RPTOR: variants seen among roughly 807,000 people sequenced by gnomAD.
RPTOR encodes the protein regulatory-associated protein of mTOR.
RPTOR carries 21 observed loss-of-function variants against 169.9 expected under a neutral mutation model. The observed-to-expected ratio is 0.12, with a 90% CI of 0.09 to 0.18. The LOEUF (loss-of-function observed/expected upper bound fraction) is 0.18. Among genes scored for constraint, RPTOR ranks in the 10% least tolerant of loss-of-function variants. The probability of loss-of-function intolerance (pLI) is 1.00; values close to 1 mark genes in which losing one functional copy is unlikely to be tolerated. For missense variants in RPTOR, 1,133 were observed against 1,855.9 expected (o/e 0.61, Z 7.16); for synonymous variants, 732 against 753.2 (o/e 0.97, Z 0.46).
In RPTOR at chr17:80,592,370, C is replaced by T. The variant is rs143053961; in HGVS notation, c.163-33321C>T. On this transcript the variant is annotated intron_variant, in intron 1 of 33. Transcript: ENST00000306801. ...TATTTAAGAGACTAGAGTAAGGGAT[C>T]GTAGGGGTAGGAGTGGAAGGGAGAA... Among the ~76,000 whole-genome samples, 3 of 152,172 alleles carry T rather than the reference C, an allele frequency of 2.0e-5. No homozygotes were observed. The East Asian group carries it at 5.8e-4, about 29-fold the overall frequency.
chr17:80,918,468 C>CGGGGGT (rs2068703273), intron 21 of RPTOR, among the ~76,000 whole-genome samples: 42 of 100,828 alleles, frequency 4.2e-4, no homozygotes, highest in African/African-American at 5.6e-4. Context: ...AGCACCCTCG[C>CGGGGGT]CGGAGTCATA....
intron 4 of RPTOR, among the ~76,000 whole-genome samples, chr17:80,719,940 A>G (rs1387764485): frequency 1.3e-5 from 2 of 152,018 alleles, no homozygotes; most frequent in African/African-American, 4.8e-5. Context: ...TGTTTTTTTA[A>G]TTGGGATTGT....
intron 28 of RPTOR, among the ~76,000 whole-genome samples, chr17:80,950,355 G>A (rs561015574): frequency 1.6e-4 from 25 of 152,206 alleles, no homozygotes; most frequent in African/African-American, 7.2e-5. Context: ...TCAGCCTTCC[G>A]TGTGGGGCCT....
intron 24 of RPTOR, among the ~76,000 whole-genome samples, chr17:80,938,836 A>G (rs1598412113): frequency 1.3e-5 from 2 of 152,248 alleles, no homozygotes; most frequent in Non-Finnish European, 1.5e-5. Flanking sequence ...TTTTGTAATC[A>G]GAGCTGACAC....
intron 1 of RPTOR, among the ~76,000 whole-genome samples, chr17:80,591,598 C>T (rs979254305): frequency 6.6e-6 from 1 of 151,890 alleles, no homozygotes; most frequent in South Asian, 2.1e-4. Flanking sequence ...AGGGTGGTCT[C>T]GAACTCCTGA....
chr17:80,816,253 G>T (rs2067322201), intron 7 of RPTOR, among the ~76,000 whole-genome samples: 1 of 152,248 alleles, frequency 6.6e-6, no homozygotes, highest in South Asian at 2.1e-4. Context: ...ATGCTGTCTG[G>T]ACGCCTGGCA....
At chr17:80,638,411 CTTTTTTT>C (rs11399351) in intron 2 of RPTOR, among the ~76,000 whole-genome samples, 2 of 126,292 alleles carry the variant, frequency 1.6e-5, no homozygotes, top group African/African-American at 6.2e-5. Context: ...TTCTTCCTTT[CTTTTTTT>C]TTTTTTTTTT....
chr17:80,895,366 C>CT (rs1245122383), intron 20 of RPTOR, among the ~76,000 whole-genome samples: 1 of 152,236 alleles, frequency 6.6e-6, no homozygotes, highest in Non-Finnish European at 1.5e-5. Flanking sequence ...CCCTCTGACC[C>CT]TGCTCCCTTT....
At chr17:80,639,390 A>AG (rs2065534394) in intron 2 of RPTOR, among the ~76,000 whole-genome samples, 2 of 152,146 alleles carry the variant, frequency 1.3e-5, no homozygotes, top group African/African-American at 4.8e-5. Context: ...TTTTCACTGA[A>AG]GGATAGCACA....
chr17:80,920,564 C>T (rs370176699), intron 21 of RPTOR, among the ~76,000 whole-genome samples: 7 of 152,366 alleles, frequency 4.6e-5, no homozygotes, highest in Non-Finnish European at 8.8e-5. Context: ...GCAGAGGGTT[C>T]GTCACCACGG....
At chr17:80,897,211 T>G (rs1254179306) in intron 20 of RPTOR, among the ~76,000 whole-genome samples, 1 of 149,980 alleles carries the variant, frequency 6.7e-6, no homozygotes, top group Non-Finnish European at 1.5e-5. Context: ...ATCACACCAC[T>G]GCACTCCAGC....
At chr17:80,930,244 G>GCTCATCCTCAGGTCATCCTCAA (rs2068865703) in intron 24 of RPTOR, among the ~76,000 whole-genome samples, 9 of 20,586 alleles carry the variant, frequency 4.4e-4, no homozygotes, top group Middle Eastern at 0.029. Context: ...CTCATCCTCA[G>GCTCATCCTCAGGTCATCCTCAA]CTCAGCTCAT....
At position 80,936,789 on chromosome 17, in the gene RPTOR, A is replaced by G. The variant is rs1222327495; in HGVS notation, c.2920-3707A>G. On this transcript the variant is annotated intron_variant, in intron 24 of 33. Coordinates refer to ENST00000306801, the MANE Select transcript of RPTOR (RefSeq NM_020761.3). This position sits in a 1 kb window ranked among gnomAD's most constrained non-coding sequence, Gnocchi z 4.1. ...CTCTTTTCCCTCTTGTGCTGAAGTCACATGAAAGATGATGTAAATGCCTTG... is the reference window on the plus strand; with the variant it reads ...CTCTTTTCCCTCTTGTGCTGAAGTCGCATGAAAGATGATGTAAATGCCTTG... 6.6e-6 allele frequency among the ~76,000 whole-genome samples: 1 copy of G among 152,228 alleles called. No homozygotes were observed. Among genetic ancestry groups the G allele is most frequent in the Non-Finnish European group, 1.5e-5 (1 of 68,044 alleles).
chr17:80,941,994 A>C (rs1438009356), intron 25 of RPTOR: 1 of 152,278 alleles, frequency 6.6e-6, no homozygotes, highest in Non-Finnish European at 1.5e-5. Context: ...GGTTGTTTGT[A>C]GCCCTCTGTG....
At chr17:80,690,601 T>A (rs925333061) in intron 3 of RPTOR, among the ~76,000 whole-genome samples, 1 of 151,964 alleles carries the variant, frequency 6.6e-6, no homozygotes, top group Admixed American at 6.6e-5. Flanking sequence ...CACACTCACC[T>A]CTGCTCCTTG....
At chr17:80,931,379 C>A (rs1294803584) in intron 24 of RPTOR, among the ~76,000 whole-genome samples, 1 of 152,212 alleles carries the variant, frequency 6.6e-6, no homozygotes, top group Non-Finnish European at 1.5e-5. Context: ...GGGAGAAATG[C>A]TCACCTGAAA....
chr17:80,882,509 G>A (rs1280752813), intron 14 of RPTOR, among the ~76,000 whole-genome samples: 2 of 152,192 alleles, frequency 1.3e-5, no homozygotes, highest in South Asian at 2.1e-4. Flanking sequence ...AGCCCTCGGC[G>A]TGCGAGGAAA....
chr17:80,622,280 G>T (rs540611309), intron 1 of RPTOR, among the ~76,000 whole-genome samples: 1 of 152,338 alleles, frequency 6.6e-6, no homozygotes, highest in East Asian at 1.9e-4. Flanking sequence ...TGTGAGGCAG[G>T]TGTTAACAGC....
chr17:80,570,863 C>T (rs2064898040), intron 1 of RPTOR, among the ~76,000 whole-genome samples: 2 of 152,282 alleles, frequency 1.3e-5, no homozygotes, highest in East Asian at 1.9e-4. Context: ...TTCCAACTTA[C>T]ACACAGCATT....
Sources: gnomAD v4.1 joint callset for allele counts (sites outside exome capture counted in the v4.1 genomes callset) on GRCh38, gnomAD v4.1.1 for gene constraint, Gnocchi (gnomAD v3.1) non-coding constraint, MANE v1.5 for transcripts, NCBI Gene and HGNC (gene_info 2026-07-23, HGNC 2026-07-21) for gene names.